Variants in PGF observed in about 807,000 individuals in gnomAD.
PGF encodes placenta growth factor.
A neutral mutation model predicts 25.3 loss-of-function variants in PGF; 11 were observed. The observed-to-expected ratio is 0.43, with a 90% CI of 0.27 to 0.72. The LOEUF (loss-of-function observed/expected upper bound fraction) is 0.72, where lower values mean the gene tolerates loss of function less well. Ranked by LOEUF, PGF falls within the 30% of genes least tolerant of loss-of-function variation. The probability of loss-of-function intolerance (pLI) is 0.18; values close to 1 mark genes in which losing one functional copy is unlikely to be tolerated. For synonymous variants in PGF, 105 were observed against 97.9 expected (o/e 1.07, Z -0.43); for missense variants, 230 against 234.9 (o/e 0.98, Z 0.14).
rs751970078 is a variant in PGF, at chr14:74,946,423, A to G, written c.393-15T>C. 1 of 1,602,880 alleles carries G rather than the reference A, an allele frequency of 6.2e-7. No homozygotes were observed. ...CCCGCAGAGGCCTAGGGAAACAGAC[A>G]GAGAGAGGGGCAGAGGAACGTTAGG... On this transcript the variant is annotated splice_polypyrimidine_tract_variant and intron_variant, in intron 4 of 6. Coordinates refer to ENST00000555567, the MANE Select transcript of PGF (RefSeq NM_002632.6).
At chr14:74,954,058 T>G (rs1888930116) in intron 1 of PGF, 112 bp from the exon 2 acceptor site, 1 of 963,526 alleles carries the variant, frequency 1.0e-6, no homozygotes, top group Admixed American at 2.0e-5. Context: ...TCCCACTTGC[T>G]GCACATGCTC....
At chr14:74,954,569 G>C (rs1005331119) in intron 1 of PGF, among the ~76,000 whole-genome samples, 4 of 152,098 alleles carry the variant, frequency 2.6e-5, no homozygotes, top group South Asian at 2.1e-4. Flanking sequence ...CTGGCTCCCA[G>C]CCAGACTCAC....
chr14:74,951,452 T>A (rs1351810376), intron 2 of PGF, among the ~76,000 whole-genome samples: 1 of 152,198 alleles, frequency 6.6e-6, no homozygotes, highest in Non-Finnish European at 1.5e-5. Context: ...GAACGTTTAA[T>A]CTCCACCTTG....
At chr14:74,948,366 T>C (rs1888789580) in intron 4 of PGF, 141 bp downstream of exon 4, 3 of 533,628 alleles carry the variant, frequency 5.6e-6, no homozygotes, top group African/African-American at 3.9e-5. Context: ...TCCTGCCCTC[T>C]TGGTCTCCCT....
At position 74,955,597 on chromosome 14, in the gene PGF, T is replaced by A; in HGVS notation, c.-355A>T. 1 of 215,922 alleles carries A rather than the reference T, an allele frequency of 4.6e-6. No homozygotes were observed. The allele number at this position is 215,922 out of a possible 1,614,324, so 13.4% of individuals were successfully genotyped here. On this transcript the variant is annotated 5_prime_UTR_variant, in exon 1 of 7. Transcript: ENST00000555567. This position sits in a 1 kb window ranked among gnomAD's most constrained non-coding sequence, Gnocchi z 4.1. ...TCCTCCGCAGACAGCAGCTCCCTTC[T>A]GAGACTGCAGCCGGTCCGCGCCTGG...
chr14:74,946,380 T>C lies in PGF; in HGVS notation c.421A>G (p.Arg141Gly). 2 of 1,612,286 alleles carry C rather than the reference T, an allele frequency of 1.2e-6. No homozygotes were observed. Among genetic ancestry groups the C allele is most frequent in the Non-Finnish European group, 1.7e-6 (2 of 1,178,762 alleles). The change falls in exon 5 of 7, where the codon AGG becomes GGG. Residue 141 changes from arginine to glycine, a missense_variant and splice_region_variant. By Grantham distance (125) the Arg-to-Gly change is moderately radical. Coordinates refer to ENST00000555567, the MANE Select transcript of PGF (RefSeq NM_002632.6). ...CCGAGCCCCAGCCAAACCACTTACC[T>C]TTCCGGCTTCATCTTCTCCCGCAGA... ...RPLREKMKPE[R>G]RRPKGRGKRR...
intron 4 of PGF, chr14:74,947,075 G>A (rs1888756299): frequency 1.9e-6 from 1 of 526,450 alleles, no homozygotes; most frequent in Non-Finnish European, 3.4e-6. Context: ...CAGCTTTGGG[G>A]CCAGGACATG....
At position 74,955,348 on chromosome 14, in the gene PGF, C is replaced by T. The variant is rs1279756198; in HGVS notation, c.-106G>A. On this transcript the variant is annotated 5_prime_UTR_variant, in exon 1 of 7. Transcript: ENST00000555567. This position sits in a 1 kb window ranked among gnomAD's most constrained non-coding sequence, Gnocchi z 4.1. The stretch of plus-strand genomic sequence containing the variant: ...GAAGAGCTGAGTGGGGGGCTGGACG[C>T]CTCCCTCACTGCTGCCCCGAGGCCC... 1 of 558,386 alleles carries T rather than the reference C, an allele frequency of 1.8e-6. No individual in the cohort carries two copies. The highest frequency in any genetic ancestry group is 3.5e-5 in the East Asian group (1 of 28,708). The allele number at this position is 558,386 out of a possible 1,614,324, so 34.6% of individuals were successfully genotyped here.
chr14:74,946,163 C>A, intron 6 of PGF, 50 bp downstream of exon 6: 1 of 1,571,274 alleles, frequency 6.4e-7, no homozygotes, highest in Non-Finnish European at 8.7e-7. Flanking sequence ...CAAGGCGGGG[C>A]TCCCCTCGGG....
chr14:74,942,061 T>C lies in PGF; in HGVS notation c.*645A>G, dbSNP rs1888612730. On this transcript the variant is annotated 3_prime_UTR_variant, in exon 7 of 7. Transcript: ENST00000555567. Reference sequence around the variant, plus strand: ...CGGGGCCCACTCTGTATGTGTCTCTTAGGGGGGGCAGGGTGGTGGCACCTT... The same window carrying C: ...CGGGGCCCACTCTGTATGTGTCTCTCAGGGGGGGCAGGGTGGTGGCACCTT... 6.5e-6 allele frequency: 1 copy of C among 153,190 alleles called. No homozygotes were observed. Among genetic ancestry groups the C allele is most frequent in the African/African-American group, 2.4e-5 (1 of 41,426 alleles). 9.5% of individuals were successfully genotyped at this position (153,190 alleles called of 1,614,324 possible). A position where few individuals can be genotyped will look rare whatever the true frequency, so the allele number is the denominator to read the frequency against.
intron 2 of PGF, 50 bp from the exon 3 acceptor site, chr14:74,949,603 G>A: frequency 7.1e-7 from 1 of 1,417,150 alleles, no homozygotes; most frequent in South Asian, 1.5e-5. Context: ...CCTGCCCCTT[G>A]AAGCCCTAAA....
At chr14:74,945,834 GGTAAACACTAAT>G (rs1398898023) in intron 6 of PGF, 1 of 218,312 alleles carries the variant, frequency 4.6e-6, no homozygotes, top group Non-Finnish European at 9.3e-6. Context: ...ATCACTAAAA[GGTAAACACTAAT>G]GTGCAGGAAT....
chr14:74,947,018 C>T lies in PGF; in HGVS notation c.393-610G>A, dbSNP rs1332619874. The T allele has an allele frequency of 8.2e-6, 5 of 608,416 alleles. No homozygotes were observed. In the Admixed American group the frequency reaches 8.4e-5, roughly 10 times the overall value. 37.7% of individuals were successfully genotyped at this position (608,416 alleles called of 1,614,324 possible). ...CCCTGGCAGGGGATAGGGCCTCAGTCTTCACTGGGAACAGTGGGTAGAGAC... is the reference window on the plus strand; with the variant it reads ...CCCTGGCAGGGGATAGGGCCTCAGTTTTCACTGGGAACAGTGGGTAGAGAC... On this transcript the variant is annotated intron_variant, in intron 4 of 6. Transcript: ENST00000555567.
At chr14:74,954,436 C>T (rs1365786945) in intron 1 of PGF, among the ~76,000 whole-genome samples, 2 of 152,120 alleles carry the variant, frequency 1.3e-5, no homozygotes, top group Non-Finnish European at 2.9e-5. Flanking sequence ...CTGGGCTGCT[C>T]GGACTCCTCA....
chr14:74,952,591 T>A (rs1236213445), intron 2 of PGF, among the ~76,000 whole-genome samples: 1 of 152,264 alleles, frequency 6.6e-6, no homozygotes, highest in Non-Finnish European at 1.5e-5. Flanking sequence ...CTGGCCATGC[T>A]GTCTCTGGCT....
At position 74,953,316 on chromosome 14, in the gene PGF, C is replaced by T. The variant is rs550474440; in HGVS notation, c.118+588G>A. On this transcript the variant is annotated intron_variant, in intron 2 of 6. Coordinates refer to ENST00000555567, the MANE Select transcript of PGF (RefSeq NM_002632.6). The surrounding 1 kb of genome is among the most constrained non-coding windows in gnomAD (Gnocchi z 5.4). The stretch of plus-strand genomic sequence containing the variant: ...GCGAGGTAGGGGGCCTGGCATGGGC[C>T]TCCTGCCTTCTGTACATATGTCTCT... 6.6e-6 allele frequency among the ~76,000 whole-genome samples: 1 copy of T among 152,316 alleles called. No homozygotes were observed. Among genetic ancestry groups the T allele is most frequent in the African/African-American group, 2.4e-5 (1 of 41,572 alleles).
intron 4 of PGF, chr14:74,946,657 C>T (rs1052162196): frequency 7.7e-6 from 5 of 646,224 alleles, no homozygotes; most frequent in Admixed American, 4.3e-5. Context: ...CCCTGCCACC[C>T]GCTTCTGCAC....
At position 74,942,246 on chromosome 14, in the gene PGF, C is replaced by T. The variant is rs1888617323; in HGVS notation, c.*460G>A. 5.7e-6 allele frequency: 1 copy of T among 176,978 alleles called. No individual in the cohort carries two copies. Among genetic ancestry groups the T allele is most frequent in the African/African-American group, 2.4e-5 (1 of 41,622 alleles). 11.0% of individuals were successfully genotyped at this position (176,978 alleles called of 1,614,324 possible). A position where few individuals can be genotyped will look rare whatever the true frequency, so the allele number is the denominator to read the frequency against. The stretch of plus-strand genomic sequence containing the variant: ...GGGGAAGTGGCTGGATCCCCTCCGC[C>T]CGCTGCCGGCCTTCCCACCAGCCAG... On this transcript the variant is annotated 3_prime_UTR_variant, in exon 7 of 7. Coordinates refer to ENST00000555567, the MANE Select transcript of PGF (RefSeq NM_002632.6).
chr14:74,949,807 C>T (rs1450798373), intron 2 of PGF, among the ~76,000 whole-genome samples: 1 of 152,222 alleles, frequency 6.6e-6, no homozygotes, highest in South Asian at 2.1e-4. Flanking sequence ...CAGGCACCCA[C>T]GTCTGCCTTG....
Sources: allele counts gnomAD v4.1 joint callset (sites outside exome capture counted in the v4.1 genomes callset), GRCh38; gene constraint gnomAD v4.1.1; non-coding constraint Gnocchi (gnomAD v3.1); transcripts MANE v1.5; gene names NCBI Gene and HGNC (gene_info 2026-07-23, HGNC 2026-07-21).